Variants in ZNF90 observed in about 807,000 individuals in gnomAD.
The protein encoded by ZNF90 is zinc finger protein HTF9.
Under a neutral mutation model 12.0 loss-of-function variants are expected in ZNF90, and 11 were observed. The ratio of observed to expected loss-of-function variants is 0.92; its 90% CI spans 0.58 to 1.52. ZNF90 has a LOEUF of 1.52. ZNF90 is among the 40% of genes most tolerant of loss of function. The pLI, the probability that ZNF90 is intolerant of heterozygous loss-of-function variation, is 0.00. For missense variants in ZNF90, 765 were observed against 711.5 expected (o/e 1.08, Z -0.86); for synonymous variants, 232 against 240.1 (o/e 0.97, Z 0.31).
At chr19:20,115,943 G>A (rs782191330) in intron 3 of ZNF90, among the ~76,000 whole-genome samples, 10 of 151,962 alleles carry the variant, frequency 6.6e-5, no homozygotes, top group Non-Finnish European at 1.3e-4. Flanking sequence ...GTGCAATCTC[G>A]GCTGACTGCA....
chr19:20,106,430 C>T (rs2089039052), intron 3 of ZNF90, among the ~76,000 whole-genome samples: 1 of 152,118 alleles, frequency 6.6e-6, no homozygotes, highest in Non-Finnish European at 1.5e-5. Flanking sequence ...GCATTGCTGT[C>T]TGAATTTGAT....
At chr19:20,083,791 A>G (rs2088838920) in intron 1 of ZNF90, among the ~76,000 whole-genome samples, 1 of 152,148 alleles carries the variant, frequency 6.6e-6, no homozygotes, top group Admixed American at 6.5e-5. Flanking sequence ...CTTATTGTTC[A>G]GGCTAGAGTG....
At chr19:20,101,077 G>A (rs542887346) in intron 1 of ZNF90, among the ~76,000 whole-genome samples, 5 of 152,040 alleles carry the variant, frequency 3.3e-5, no homozygotes, top group Admixed American at 6.6e-5. Flanking sequence ...TTCACTTGCC[G>A]TCGACCACTG....
chr19:20,097,138 T>C (rs782516076), intron 1 of ZNF90, among the ~76,000 whole-genome samples: 4 of 152,222 alleles, frequency 2.6e-5, no homozygotes, highest in Non-Finnish European at 5.9e-5. Context: ...TTGACTATGA[T>C]GCATGTCACA....
At chr19:20,114,088 C>T (rs1039540984) in intron 3 of ZNF90, among the ~76,000 whole-genome samples, 22 of 152,020 alleles carry the variant, frequency 1.4e-4, no homozygotes, top group African/African-American at 5.1e-4. Context: ...GTCAGAAGAT[C>T]GTGACCATCC....
chr19:20,113,630 C>A (rs1429532826), intron 3 of ZNF90, among the ~76,000 whole-genome samples: 1 of 152,086 alleles, frequency 6.6e-6, no homozygotes, highest in African/African-American at 2.4e-5. Flanking sequence ...GAAATTGAGA[C>A]CATCCTGGCT....
chr19:20,082,612 C>T (rs2088828557), intron 1 of ZNF90, among the ~76,000 whole-genome samples: 1 of 152,150 alleles, frequency 6.6e-6, no homozygotes, highest in Non-Finnish European at 1.5e-5. Context: ...ATCTCAAGTG[C>T]CCAGGGACAC....
intron 1 of ZNF90, among the ~76,000 whole-genome samples, chr19:20,102,562 A>G (rs1229441761): frequency 6.6e-6 from 1 of 152,190 alleles, no homozygotes; most frequent in East Asian, 1.9e-4. Context: ...CTATAGAAGT[A>G]TATTTGCCTT....
intron 1 of ZNF90, among the ~76,000 whole-genome samples, chr19:20,101,158 T>C (rs968920300): frequency 1.3e-5 from 2 of 152,212 alleles, no homozygotes; most frequent in Admixed American, 1.3e-4. Flanking sequence ...GGGTGTCCGC[T>C]GTGCTCCTTT....
At chr19:20,078,553 A>AT (rs2088795575) in intron 1 of ZNF90, among the ~76,000 whole-genome samples, 1 of 151,946 alleles carries the variant, frequency 6.6e-6, no homozygotes, top group Admixed American at 6.6e-5. Flanking sequence ...CATGCCTGTA[A>AT]TCCCAGCATT....
Position 20,104,264 on chromosome 19 carries a change from C to T in ZNF90, c.29C>T (p.Ala10Val). The T allele has an allele frequency of 6.2e-7, 1 of 1,613,954 alleles. No individual in the cohort carries two copies. The highest frequency in any genetic ancestry group is 8.5e-7 in the Non-Finnish European group (1 of 1,179,936). MGPLEFRDV[A>V]IEFSLEEWHC... ...GGACCATTGGAATTTAGAGATGTGG[C>T]CATAGAATTCTCTCTGGAGGAGTGG... The change falls in exon 2 of 4, where the codon GCC (alanine) becomes GTC (valine). Residue 10 changes from alanine (A) to valine (V), a missense_variant. Ala to Val is a moderately conservative substitution (Grantham distance 64). Transcript: ENST00000418063.
intron 1 of ZNF90, among the ~76,000 whole-genome samples, chr19:20,100,016 C>A (rs1417110383): frequency 6.6e-6 from 1 of 152,018 alleles, no homozygotes; most frequent in East Asian, 1.9e-4. Context: ...AACCGCCAAG[C>A]GGATACTGAA....
intron 3 of ZNF90, among the ~76,000 whole-genome samples, chr19:20,108,749 T>TC (rs2089061299): frequency 6.7e-6 from 1 of 149,598 alleles, no homozygotes; most frequent in Non-Finnish European, 1.5e-5. Flanking sequence ...TTTTTTTTTT[T>TC]GAGATGGAGT....
At chr19:20,097,264 TATA>T (rs2088955967) in intron 1 of ZNF90, among the ~76,000 whole-genome samples, 1 of 152,212 alleles carries the variant, frequency 6.6e-6, no homozygotes, top group Non-Finnish European at 1.5e-5. Flanking sequence ...CCAGACATGA[TATA>T]AACACATAAG....
chr19:20,119,375 C>A lies in ZNF90; in HGVS notation c.*15C>A. The A allele has an allele frequency of 6.4e-7, 1 of 1,552,328 alleles. No individual in the cohort carries two copies. Among genetic ancestry groups the A allele is most frequent in the African/African-American group, 1.4e-5 (1 of 72,826 alleles). ...CAAATCTTTGAAATATTCCTCAACCCTTAATAAACATAAGATAATTCATAC... is the reference window on the plus strand; with the variant it reads ...CAAATCTTTGAAATATTCCTCAACCATTAATAAACATAAGATAATTCATAC... On this transcript the variant is annotated 3_prime_UTR_variant, in exon 4 of 4. Transcript: ENST00000418063.
At chr19:20,112,090 C>A (rs1198953149) in intron 3 of ZNF90, among the ~76,000 whole-genome samples, 1 of 151,990 alleles carries the variant, frequency 6.6e-6, no homozygotes, top group South Asian at 2.1e-4. Context: ...AGCTTCTGAC[C>A]TTGTGATTCA....
chr19:20,078,600 G>A (rs2088795946), intron 1 of ZNF90, among the ~76,000 whole-genome samples: 1 of 151,708 alleles, frequency 6.6e-6, no homozygotes, highest in Admixed American at 6.6e-5. Flanking sequence ...TTGAGGTAAA[G>A]GGTTGTTAGT....
intron 3 of ZNF90, among the ~76,000 whole-genome samples, chr19:20,111,108 T>G (rs1445048942): frequency 6.6e-6 from 1 of 152,226 alleles, no homozygotes; most frequent in East Asian, 1.9e-4. Context: ...ATGTGATGTC[T>G]TTTTCCTATA....
In ZNF90 at chr19:20,078,047, T is replaced by G; in HGVS notation, c.-86T>G. ...GTGCTCCAAATCTGGTCTTAGCTGC[T>G]TCGTGTCTTCTTCTCCAGCCTCTGT... On this transcript the variant is annotated 5_prime_UTR_variant, in exon 1 of 4. Coordinates refer to ENST00000418063, the MANE Select transcript of ZNF90 (RefSeq NM_007138.2). 1 of 1,584,338 alleles carries G rather than the reference T, an allele frequency of 6.3e-7. No homozygotes were observed. Among genetic ancestry groups the G allele is most frequent in the East Asian group, 2.2e-5 (1 of 44,692 alleles).
Sources: gnomAD v4.1 joint callset for allele counts (sites outside exome capture counted in the v4.1 genomes callset) on GRCh38, gnomAD v4.1.1 for gene constraint, MANE v1.5 for transcripts, NCBI Gene and HGNC (gene_info 2026-07-23, HGNC 2026-07-21) for gene names.